The following SEMA4A variants were observed in gnomAD, a reference collection of about 807,000 sequenced individuals.
SEMA4A encodes the protein semaphorin 4A, also known as semaphorin-4A.
Under a neutral mutation model 72.5 loss-of-function variants are expected in SEMA4A, and 52 were observed. The observed-to-expected ratio is 0.72, with a 90% CI of 0.57 to 0.90. The LOEUF is 0.90. Among genes scored for constraint, SEMA4A ranks in the 40% least tolerant of loss-of-function variants. SEMA4A has a pLI of 0.00. For synonymous variants in SEMA4A, 369 were observed against 393.1 expected, an observed-to-expected ratio of 0.94 and a Z score of 0.73; for missense variants, 926 against 959.7, an observed-to-expected ratio of 0.96 and a Z score of 0.46.
intron 10 of SEMA4A, among the ~76,000 whole-genome samples, chr1:156,170,184 C>T (rs1048990800): frequency 1.3e-5 from 2 of 151,458 alleles, no homozygotes; most frequent in Non-Finnish European, 1.5e-5. Flanking sequence ...TTAGCTGGGT[C>T]CAGGCGTGGT....
At position 156,160,584 on chromosome 1, in the gene SEMA4A, TC is replaced by T. The variant is rs760661651; in HGVS notation, c.685+27del. The T allele has an allele frequency of 1.9e-6, 3 of 1,586,734 alleles. No individual in the cohort carries two copies. In the African/African-American group the frequency reaches 4.0e-5, roughly 21 times the overall value. ...CGTAAGGACCTGACCCCCGCTGGCC[TC>T]CTTTCCTGAGTCCTGGTGACCTTGC... On this transcript the variant is annotated intron_variant, in intron 7 of 14. Coordinates refer to ENST00000368285, the MANE Select transcript of SEMA4A (RefSeq NM_022367.4).
At chr1:156,161,884 T>C (rs183243259) in intron 9 of SEMA4A, among the ~76,000 whole-genome samples, 7 of 152,298 alleles carry the variant, frequency 4.6e-5, no homozygotes, top group African/African-American at 1.2e-4. Context: ...AGATGTAGGA[T>C]AGTCCCTGGA....
Position 156,172,936 on chromosome 1 carries a change from T to C in SEMA4A, c.1245T>C (p.Tyr415=). The change falls in exon 11 of 15, where the codon TAT becomes TAC. Residue 415 remains tyrosine (Y), a synonymous_variant. Transcript: ENST00000368285. ...TGCTGGTGAAATCTGGCGTGGAGTA[T>C]ACACGGCTTGCAGTGGAGACAGCCC... ...TPLLVKSGVE[Y]TRLAVETAQG... is the part of the protein sequence containing the mutation. 1 of 1,614,148 alleles carries C rather than the reference T, an allele frequency of 6.2e-7. No homozygotes were observed. The highest frequency in any genetic ancestry group is 1.3e-5 in the African/African-American group (1 of 75,050).
chr1:156,161,169 G>A (rs1653591095), intron 8 of SEMA4A, 140 bp downstream of exon 8: 2 of 491,628 alleles, frequency 4.1e-6, no homozygotes, highest in Middle Eastern at 5.6e-4. Context: ...GTGGGGCGGG[G>A]GACAGCGGGG....
In SEMA4A at chr1:156,160,560, G is replaced by GT; in HGVS notation, c.685+2dup. 2 of 1,613,076 alleles carry GT rather than the reference G, an allele frequency of 1.2e-6. No homozygotes were observed. On this transcript the variant is annotated splice_donor_variant, in intron 7 of 14. Transcript: ENST00000368285. LOFTEE classifies it high-confidence loss of function. ...GACAACTTCCTCCGCTGGCTGCATC[G>GT]TAAGGACCTGACCCCCGCTGGCCTC... is the stretch of plus-strand genomic sequence containing the variant.
rs779154677 is a variant in SEMA4A at position 156,154,655 on chromosome 1, T to C, written c.77T>C (p.Leu26Pro). ...CTCTTCCAACTGCTTCAGCTGCTGCTGCCGACGACGACCGCGGGGGGAGGC... is the reference window on the plus strand; with the variant it reads ...CTCTTCCAACTGCTTCAGCTGCTGCCGCCGACGACGACCGCGGGGGGAGGC... ...LFLFQLLQLL[L>P]PTTTAGGGGQ... The change falls in exon 2 of 15, where the codon CTG (leucine) becomes CCG (proline). Residue 26 changes from leucine (L) to proline (P), a missense_variant. Physicochemically the swap from Leu to Pro is moderately conservative, Grantham distance 98 (BLOSUM62 -3). Coordinates refer to ENST00000368285, the MANE Select transcript of SEMA4A (RefSeq NM_022367.4). 1.9e-6 allele frequency: 3 copies of C among 1,606,766 alleles called. No homozygotes were observed. Among genetic ancestry groups the C allele is most frequent in the Non-Finnish European group, 2.5e-6 (3 of 1,177,170 alleles).
chr1:156,155,961 G>A (rs906445903), intron 2 of SEMA4A: 1 of 257,828 alleles, frequency 3.9e-6, no homozygotes, highest in African/African-American at 2.2e-5. Context: ...TTTAACAGAA[G>A]AGGAAGAAAG....
upstream of SEMA4A, among the ~76,000 whole-genome samples, chr1:156,149,410 G>C (rs749552033): frequency 7.2e-5 from 11 of 152,148 alleles, no homozygotes; most frequent in Non-Finnish European, 1.2e-4. Flanking sequence ...GAAGGCTTCT[G>C]GGGGAGCCAC....
At chr1:156,167,791 T>C (rs1335673411) in intron 10 of SEMA4A, among the ~76,000 whole-genome samples, 2 of 152,354 alleles carry the variant, frequency 1.3e-5, no homozygotes, top group African/African-American at 4.8e-5. Flanking sequence ...GACTCTTCTT[T>C]GGCAGCATTC....
In SEMA4A at chr1:156,156,033, C is replaced by CTT. The variant is rs1018408031; in HGVS notation, c.140-379_140-378dup. The CTT allele has an allele frequency of 8.6e-6, 3 of 347,148 alleles. No homozygotes were observed. The Admixed American group carries it at 1.2e-4, about 13-fold the overall frequency. The allele number at this position is 347,148 out of a possible 1,614,324, so 21.5% of individuals were successfully genotyped here. A position where few individuals can be genotyped will look rare whatever the true frequency, so the allele number is the denominator to read the frequency against. On this transcript the variant is annotated intron_variant, in intron 2 of 14. Coordinates refer to ENST00000368285, the MANE Select transcript of SEMA4A (RefSeq NM_022367.4). Reference sequence around the variant, plus strand: ...CATACGCCCTCCTGTCTGCATATAGCTTTGCTGCTTGTGGCTGCCAACACT... The same window carrying CTT: ...CATACGCCCTCCTGTCTGCATATAGCTTTTTGCTGCTTGTGGCTGCCAACACT...
rs538910619 is a variant in SEMA4A at position 156,162,914 on chromosome 1, A to G, written c.984-30A>G. 1.9e-6 allele frequency: 3 copies of G among 1,612,686 alleles called. No homozygotes were observed. In the South Asian group the frequency reaches 3.3e-5, roughly 18 times the overall value. On this transcript the variant is annotated intron_variant, in intron 9 of 14. Coordinates refer to ENST00000368285, the MANE Select transcript of SEMA4A (RefSeq NM_022367.4). ...GAGAGCTGCTGGTGTGGCAGAGACC[A>G]CAGACAATGTTCCCTCTGGCTGTCT...
intron 14 of SEMA4A, 47 bp from the exon 15 acceptor site, chr1:156,176,358 T>A: frequency 7.4e-7 from 1 of 1,342,308 alleles, no homozygotes; most frequent in Non-Finnish European, 1.1e-6. Flanking sequence ...CCTGTCTCCA[T>A]CCTTCACTTC....
At position 156,158,459 on chromosome 1, in the gene SEMA4A, C is replaced by T. The variant is rs767374593; in HGVS notation, c.435C>T (p.Phe145=). 47 of 1,613,704 alleles carry T rather than the reference C, an allele frequency of 2.9e-5. No homozygotes were observed. The highest frequency in any genetic ancestry group is 1.1e-4 in the African/African-American group (8 of 74,882). The change falls in exon 5 of 15, where the codon TTC becomes TTT. Residue 145 remains phenylalanine (F), a synonymous_variant. Transcript: ENST00000368285. ...NVTHLYTCGT[F]AFSPACTFIE... ...CCCATCTCTACACCTGCGGCACCTT[C>T]GCCTTCAGCCCTGCTTGTACCTTCA...
At chr1:156,174,122 A>G (rs1487956226) in intron 11 of SEMA4A, among the ~76,000 whole-genome samples, 1 of 152,124 alleles carries the variant, frequency 6.6e-6, no homozygotes, top group Non-Finnish European at 1.5e-5. Context: ...AAAAAAAAAA[A>G]TAGCCATTGT....
chr1:156,161,359 G>A lies in SEMA4A; in HGVS notation c.824G>A (p.Gly275Asp), dbSNP rs764860514. Reference sequence around the variant, plus strand: ...CTGTGCCCCCAGAATGACGTGGGCGGCGAAAAGCTGCTGCAGAAGAAGTGG... The same window carrying A: ...CTGTGCCCCCAGAATGACGTGGGCGACGAAAAGCTGCTGCAGAAGAAGTGG... ...VARVCKNDVG[G>D]EKLLQKKWTT... is the part of the protein sequence containing the mutation. The change falls in exon 9 of 15, where the codon GGC (glycine) becomes GAC (aspartate). Residue 275 changes from glycine to aspartate, a missense_variant. Physicochemically the swap from Gly to Asp is moderately conservative, Grantham distance 94 (BLOSUM62 -1). Transcript: ENST00000368285. The A allele has an allele frequency of 5.7e-6, 9 of 1,576,274 alleles. No individual in the cohort carries two copies. Among genetic ancestry groups the A allele is most frequent in the Non-Finnish European group, 7.8e-6 (9 of 1,157,152 alleles).
At chr1:156,148,338 G>T (rs546766602), upstream of SEMA4A, among the ~76,000 whole-genome samples, 136 of 152,312 alleles carry the variant, frequency 8.9e-4, no homozygotes, top group African/African-American at 3.2e-3. Context: ...GGTCCTTTCT[G>T]AGTCCCCACA....
intron 10 of SEMA4A, 37 bp from the exon 11 acceptor site, chr1:156,172,789 G>A (rs1322915651): frequency 6.2e-7 from 1 of 1,603,186 alleles, no homozygotes; most frequent in South Asian, 1.1e-5. Context: ...TGAGGGGAAG[G>A]GGCAAACCAA....
rs1654945542 is a variant in SEMA4A, at chr1:156,172,946, G to A, written c.1255G>A (p.Ala419Thr). ...VKSGVEYTRLAVETAQGLDGH... is the reference protein window; with the variant it reads ...VKSGVEYTRLTVETAQGLDGH... The stretch of plus-strand genomic sequence containing the variant: ...ATCTGGCGTGGAGTATACACGGCTT[G>A]CAGTGGAGACAGCCCAGGGCCTTGA... The change falls in exon 11 of 15, where the codon GCA becomes ACA. Residue 419 changes from alanine to threonine, a missense_variant. Ala to Thr is a moderately conservative substitution (Grantham distance 58). Coordinates refer to ENST00000368285, the MANE Select transcript of SEMA4A (RefSeq NM_022367.4). The A allele has an allele frequency of 1.2e-6, 2 of 1,614,038 alleles. No individual in the cohort carries two copies. The highest frequency in any genetic ancestry group is 1.7e-5 in the Admixed American group (1 of 59,998).
Position 156,160,976 on chromosome 1 carries a change from G to T in SEMA4A, c.757G>T (p.Glu253Ter). The T allele has an allele frequency of 6.2e-7, 1 of 1,612,768 alleles. No homozygotes were observed. The highest frequency in any genetic ancestry group is 8.5e-7 in the Non-Finnish European group (1 of 1,179,706). ...CTTCTTCTTCGAGGAGACAGCCAGC[G>T]AGTTTGACTTCTTTGAGAGGCTCCA... The part of the protein sequence containing the change: ...VYFFFEETAS[E>*]FDFFERLHTS... The change falls in exon 8 of 15, where the codon GAG becomes TAG. Residue 253 changes from glutamate (E) to a stop codon, truncating the protein, a stop_gained. Coordinates refer to ENST00000368285, the MANE Select transcript of SEMA4A (RefSeq NM_022367.4). LOFTEE classifies it high-confidence loss of function.
Sources: gnomAD v4.1 joint callset for allele counts (sites outside exome capture counted in the v4.1 genomes callset) on GRCh38, gnomAD v4.1.1 for gene constraint, MANE v1.5 for transcripts, NCBI Gene and HGNC (gene_info 2026-07-23, HGNC 2026-07-21) for gene names.